The following SNTG1 variants were observed in gnomAD, a reference collection of about 807,000 sequenced individuals.
SNTG1 encodes the protein syntrophin gamma 1.
In SNTG1, 39 loss-of-function variants were observed where a neutral mutation model predicts 74.7. The ratio of observed to expected loss-of-function variants is 0.52; its 90% CI spans 0.40 to 0.68. The LOEUF (loss-of-function observed/expected upper bound fraction) is 0.68, where lower values mean the gene tolerates loss of function less well. Among genes scored for constraint, SNTG1 ranks in the 30% least tolerant of loss-of-function variants. SNTG1 has a pLI of 0.00. For missense variants in SNTG1, 685 were observed against 609.5 expected (o/e 1.12, Z -1.30); for synonymous variants, 254 against 217.1 (o/e 1.17, Z -1.49).
chr8:50,102,900 T>C (rs1194618331), intron 1 of SNTG1, among the ~76,000 whole-genome samples: 1 of 150,228 alleles, frequency 6.7e-6, no homozygotes, highest in Admixed American at 6.6e-5. Context: ...GAGGGCTCTG[T>C]TCTGTTCCAT....
At chr8:50,577,568 A>T (rs143794681) in intron 12 of SNTG1, among the ~76,000 whole-genome samples, 1 of 41,926 alleles carries the variant, frequency 2.4e-5, no homozygotes, top group East Asian at 1.2e-3. Flanking sequence ...GAAAAGTTGA[A>T]GAAGGATTGG....
chr8:50,551,147 T>C (rs2130585345), intron 11 of SNTG1, among the ~76,000 whole-genome samples: 1 of 152,266 alleles, frequency 6.6e-6, no homozygotes, highest in South Asian at 2.1e-4. Context: ...TAACCTTCTT[T>C]ACTTAGTAAT....
intron 16 of SNTG1, chr8:50,708,446 T>A (rs1303757119): frequency 6.4e-6 from 1 of 157,280 alleles, no homozygotes; most frequent in Admixed American, 6.4e-5. Context: ...TTTAATAATA[T>A]CCATGAAATT....
intron 2 of SNTG1, among the ~76,000 whole-genome samples, chr8:50,262,148 T>C (rs1328010641): frequency 6.6e-6 from 1 of 152,152 alleles, no homozygotes; most frequent in African/African-American, 2.4e-5. Context: ...ATGTGGAAGA[T>C]ATTTTGAACT....
intron 2 of SNTG1, among the ~76,000 whole-genome samples, chr8:50,386,189 C>T (rs1267562646): frequency 6.6e-6 from 1 of 152,082 alleles, no homozygotes; most frequent in Non-Finnish European, 1.5e-5. Context: ...AGGGGAAAAA[C>T]ATACAATGTG....
chr8:50,081,983 A>T (rs991481067), intron 1 of SNTG1, among the ~76,000 whole-genome samples: 6 of 152,152 alleles, frequency 3.9e-5, no homozygotes, highest in African/African-American at 1.4e-4. Flanking sequence ...TGGAAAATTA[A>T]TTTTGTTATA....
chr8:50,713,345 G>C (rs2095467105), intron 17 of SNTG1, among the ~76,000 whole-genome samples: 1 of 151,860 alleles, frequency 6.6e-6, no homozygotes, highest in Non-Finnish European at 1.5e-5. Flanking sequence ...TTTTTGATGG[G>C]GTTGTTTGTT....
chr8:50,481,397 AC>A (rs2093739440), intron 8 of SNTG1, among the ~76,000 whole-genome samples: 2 of 152,130 alleles, frequency 1.3e-5, no homozygotes. Flanking sequence ...AACAACAACA[AC>A]AACAAAACAT....
chr8:49,992,376 G>C (rs1392863942), intron 1 of SNTG1, among the ~76,000 whole-genome samples: 2 of 152,134 alleles, frequency 1.3e-5, no homozygotes, highest in African/African-American at 2.4e-5. Context: ...TGGCAATTTT[G>C]CATATTAAGA....
chr8:50,214,344 C>T (rs2084672012), intron 2 of SNTG1, among the ~76,000 whole-genome samples: 1 of 150,718 alleles, frequency 6.6e-6, no homozygotes, highest in Non-Finnish European at 1.5e-5. Context: ...ACCAGCATGG[C>T]ACATGTATAC....
intron 1 of SNTG1, among the ~76,000 whole-genome samples, chr8:50,031,598 C>G (rs1020472944): frequency 6.6e-6 from 1 of 151,884 alleles, no homozygotes; most frequent in Non-Finnish European, 1.5e-5. Context: ...ATTTGATATT[C>G]CTTCTTTAGG....
At chr8:50,714,075 A>G (rs1343836556) in intron 17 of SNTG1, among the ~76,000 whole-genome samples, 2 of 151,544 alleles carry the variant, frequency 1.3e-5, no homozygotes, top group Admixed American at 6.6e-5. Context: ...AAAAAAAAAA[A>G]AAGGTGGGGG....
chr8:50,507,430 T>G (rs1200063426), intron 9 of SNTG1, among the ~76,000 whole-genome samples: 1 of 152,114 alleles, frequency 6.6e-6, no homozygotes, highest in Non-Finnish European at 1.5e-5. Flanking sequence ...CTTGGTAAAG[T>G]TCTACAGTAA....
rs2095700724 is a variant in SNTG1 at position 50,794,748 on chromosome 8, T to G, written c.*1919T>G. 6.6e-6 allele frequency: 1 copy of G among 152,018 alleles called. No individual in the cohort carries two copies. The highest frequency in any genetic ancestry group is 1.5e-5 in the Non-Finnish European group (1 of 67,948). 9.4% of individuals were successfully genotyped at this position (152,018 alleles called of 1,614,324 possible). A position where few individuals can be genotyped will look rare whatever the true frequency, so the allele number is the denominator to read the frequency against. ...AGCTGAATCTCAGTGTGCCCCATAT[T>G]GGGGTTACATGAATGTGTCCACAAT... On this transcript the variant is annotated 3_prime_UTR_variant, in exon 19 of 19. Coordinates refer to ENST00000642720, the MANE Select transcript of SNTG1 (RefSeq NM_018967.5).
chr8:50,285,736 CA>C (rs2088736196), intron 2 of SNTG1, among the ~76,000 whole-genome samples: 2 of 149,616 alleles, frequency 1.3e-5, no homozygotes, highest in Admixed American at 1.3e-4. Context: ...ACTTTTTCTC[CA>C]ATGGAATTTA....
chr8:50,045,441 G>C (rs1036345637), intron 1 of SNTG1, among the ~76,000 whole-genome samples: 1 of 152,076 alleles, frequency 6.6e-6, no homozygotes, highest in Admixed American at 6.5e-5. Context: ...AGACATTATT[G>C]TGAGGACAGC....
chr8:50,063,556 G>A (rs2056644011), intron 1 of SNTG1, among the ~76,000 whole-genome samples: 1 of 152,130 alleles, frequency 6.6e-6, no homozygotes, highest in South Asian at 2.1e-4. Context: ...ATCCCCCTGA[G>A]GAAGCACTGA....
At chr8:50,155,736 T>A (rs2082233032) in intron 1 of SNTG1, among the ~76,000 whole-genome samples, 1 of 151,942 alleles carries the variant, frequency 6.6e-6, no homozygotes, top group South Asian at 2.1e-4. Flanking sequence ...AAACATCACC[T>A]TTCACTCTAT....
intron 13 of SNTG1, among the ~76,000 whole-genome samples, chr8:50,628,171 T>C (rs1339631597): frequency 6.6e-6 from 1 of 152,196 alleles, no homozygotes; most frequent in Admixed American, 6.6e-5. Flanking sequence ...TACTATCTTA[T>C]CATGTTACAT....
Sources: gnomAD v4.1 joint callset for allele counts (sites outside exome capture counted in the v4.1 genomes callset) on GRCh38, gnomAD v4.1.1 for gene constraint, MANE v1.5 for transcripts, NCBI Gene and HGNC (gene_info 2026-07-23, HGNC 2026-07-21) for gene names.